SLC26A5: variants seen among roughly 807,000 people sequenced by gnomAD.
The protein encoded by SLC26A5 is solute carrier family 26 member 5, also known as prestin.
Under a neutral mutation model 81.0 loss-of-function variants are expected in SLC26A5, and 51 were observed. The observed-to-expected ratio is 0.63, with a 90% CI of 0.50 to 0.80. The LOEUF (loss-of-function observed/expected upper bound fraction) is 0.80. Ranked by LOEUF, SLC26A5 falls within the 30% of genes least tolerant of loss-of-function variation. SLC26A5 has a pLI of 0.00. For missense variants in SLC26A5, 771 were observed against 905.8 expected (o/e 0.85, Z 1.91); for synonymous variants, 325 against 332.8 (o/e 0.98, Z 0.25).
At chr7:103,371,615 C>T (rs1037197065), downstream of SLC26A5, among the ~76,000 whole-genome samples, 6 of 151,838 alleles carry the variant, frequency 4.0e-5, no homozygotes, top group South Asian at 2.1e-4. Flanking sequence ...TGAGCCACTG[C>T]GCCTGGCCTG....
rs745351399 is a variant in SLC26A5, at chr7:103,362,080, G to C, written c.2042-9154C>G. On this transcript the variant is annotated intron_variant, in intron 19 of 19. Transcript: ENST00000339444. ...CACCTACTGACATTGAAGAAGGGAT[G>C]AGAGTGGGGTAAGATTTCTATTTAC... 6 of 1,612,682 alleles carry C rather than the reference G, an allele frequency of 3.7e-6. No individual in the cohort carries two copies. In the Admixed American group the frequency reaches 8.4e-5, roughly 23 times the overall value.
intron 2 of SLC26A5, among the ~76,000 whole-genome samples, chr7:103,435,423 T>A (rs1448925950): frequency 1.3e-5 from 2 of 152,226 alleles, no homozygotes; most frequent in African/African-American, 4.8e-5. Flanking sequence ...TGCCACTTTC[T>A]TCCACTGTCA....
At chr7:103,400,499 T>C (rs572764914) in intron 8 of SLC26A5, among the ~76,000 whole-genome samples, 5 of 152,350 alleles carry the variant, frequency 3.3e-5, no homozygotes, top group Admixed American at 6.5e-5. Context: ...TGCAAAAATT[T>C]TCTCCCATTC....
chr7:103,417,748 T>C (rs1825035926), intron 4 of SLC26A5, among the ~76,000 whole-genome samples: 1 of 152,172 alleles, frequency 6.6e-6, no homozygotes, highest in African/African-American at 2.4e-5. Context: ...TCCTGTCATC[T>C]TATTATTTTT....
At chr7:103,410,279 C>T in intron 7 of SLC26A5, 106 bp downstream of exon 7, 1 of 998,742 alleles carries the variant, frequency 1.0e-6, no homozygotes, top group East Asian at 2.4e-5. Context: ...ATGGAAATTA[C>T]TGGAGAAAAA....
chr7:103,369,211 T>A (rs1292922429), downstream of SLC26A5: 1 of 152,228 alleles, frequency 6.6e-6, no homozygotes, highest in Non-Finnish European at 1.5e-5. Context: ...CATTCTTGAT[T>A]TTTCATTTTT....
downstream of SLC26A5, among the ~76,000 whole-genome samples, chr7:103,372,879 TA>T (rs5886252): frequency 0.035 from 4,946 of 142,572 alleles, 265 homozygotes; most frequent in African/African-American, 0.12. Context: ...AAGGGAAATC[TA>T]AAAAAAAAAA....
chr7:103,374,667 C>T (rs571928897), intron 19 of SLC26A5, 75 bp from the exon 20 acceptor site: 2 of 1,342,044 alleles, frequency 1.5e-6, no homozygotes, highest in South Asian at 2.6e-5. Flanking sequence ...AGTAACACTT[C>T]CATATAGTGT....
chr7:103,395,908 G>C (rs1310296210), intron 9 of SLC26A5, among the ~76,000 whole-genome samples: 2 of 152,162 alleles, frequency 1.3e-5, no homozygotes, highest in East Asian at 3.8e-4. Context: ...TGAAATAACA[G>C]CCTTAGAACC....
At position 103,411,482 on chromosome 7, in the gene SLC26A5, C is replaced by G. The variant is rs1392273906; in HGVS notation, c.508G>C (p.Ala170Pro). Reference protein sequence around the residue: ...GGVNATNGTEARDALRVKVAM... With the variant: ...GGVNATNGTEPRDALRVKVAM... ...ACTTTCACTCTCAAGGCATCTCTGGCCTCTGTGCCATTGGTTGCATTTACT... is the reference window on the plus strand; with the variant it reads ...ACTTTCACTCTCAAGGCATCTCTGGGCTCTGTGCCATTGGTTGCATTTACT... Residue 170 changes from alanine to proline, a missense_variant, in exon 6 of 20, where the codon GCC (alanine) becomes CCC (proline). Ala to Pro is a conservative substitution (Grantham distance 27). Coordinates refer to ENST00000306312, the MANE Select transcript of SLC26A5 (RefSeq NM_198999.3). 5.6e-6 allele frequency: 9 copies of G among 1,614,066 alleles called. No homozygotes were observed. Among genetic ancestry groups the G allele is most frequent in the African/African-American group, 1.3e-5 (1 of 74,914 alleles).
chr7:103,411,489 G>A lies in SLC26A5; in HGVS notation c.501C>T (p.Gly167=). 1 of 1,614,168 alleles carries A rather than the reference G, an allele frequency of 6.2e-7. No homozygotes were observed. The highest frequency in any genetic ancestry group is 8.5e-7 in the Non-Finnish European group (1 of 1,180,034). Reference sequence around the variant, plus strand: ...CTCTCAAGGCATCTCTGGCCTCTGTGCCATTGGTTGCATTTACTCCTCCTG... The same window carrying A: ...CTCTCAAGGCATCTCTGGCCTCTGTACCATTGGTTGCATTTACTCCTCCTG... ...VIPGGVNATN[G]TEARDALRVK... is the part of the protein sequence containing the mutation. Residue 167 remains glycine, a synonymous_variant, in exon 6 of 20, where the codon GGC becomes GGT. Coordinates refer to ENST00000306312, the MANE Select transcript of SLC26A5 (RefSeq NM_198999.3).
chr7:103,443,375 G>A (rs1827022610), intron 1 of SLC26A5, among the ~76,000 whole-genome samples, 164 bp from the exon 2 acceptor site: 1 of 152,146 alleles, frequency 6.6e-6, no homozygotes, highest in South Asian at 2.1e-4. Context: ...ACATGCGATA[G>A]ACTAATTATA....
intron 14 of SLC26A5, among the ~76,000 whole-genome samples, chr7:103,386,880 C>T (rs899281439): frequency 6.6e-6 from 1 of 151,926 alleles, no homozygotes; most frequent in African/African-American, 2.4e-5. Context: ...TTCTGCCTCA[C>T]CCTCCTGAGT....
chr7:103,394,282 A>T (rs1822910190), intron 9 of SLC26A5, among the ~76,000 whole-genome samples: 1 of 152,198 alleles, frequency 6.6e-6, no homozygotes, highest in Admixed American at 6.5e-5. Context: ...CACTCCCATT[A>T]CATAGGTTCT....
chr7:103,413,650 G>A (rs559681379), intron 4 of SLC26A5, among the ~76,000 whole-genome samples: 7 of 152,066 alleles, frequency 4.6e-5, no homozygotes, highest in Admixed American at 2.0e-4. Flanking sequence ...CTATCAAATG[G>A]GCCAAGTCTC....
At chr7:103,395,307 TCTC>T (rs1822994599) in intron 9 of SLC26A5, among the ~76,000 whole-genome samples, 1 of 150,320 alleles carries the variant, frequency 6.7e-6, no homozygotes. Flanking sequence ...AAAGATAAGG[TCTC>T]CTCTGGATAG....
rs186634215 is a variant in SLC26A5, at chr7:103,401,102, T to G, written c.889-3088A>C. ...GTTTTTTCTAATTCTGTGAAGAAAG[T>G]CAGTGGTAGCTTGATGGGGATAGCA... On this transcript the variant is annotated intron_variant, in intron 8 of 19. Coordinates refer to ENST00000306312, the MANE Select transcript of SLC26A5 (RefSeq NM_198999.3). Among the ~76,000 whole-genome samples, 3 of 152,328 alleles carry G rather than the reference T, an allele frequency of 2.0e-5. No homozygotes were observed. The East Asian group carries it at 5.8e-4, about 29-fold the overall frequency.
chr7:103,363,326 T>G, intron 19 of SLC26A5: 1 of 1,586,070 alleles, frequency 6.3e-7, no homozygotes, highest in Non-Finnish European at 8.7e-7. Context: ...ATGTTGTACA[T>G]TTCTGTCCCT....
At chr7:103,374,676 G>GTT (rs556110302) in intron 19 of SLC26A5, 84 bp from the exon 20 acceptor site, 1,674 of 872,708 alleles carry the variant, frequency 1.9e-3, no homozygotes, top group East Asian at 4.8e-3. Flanking sequence ...TCCATATAGT[G>GTT]TTTTTTTTTT....
Sources: allele counts gnomAD v4.1 joint callset (sites outside exome capture counted in the v4.1 genomes callset), GRCh38; gene constraint gnomAD v4.1.1; transcripts MANE v1.5; gene names NCBI Gene and HGNC (gene_info 2026-07-23, HGNC 2026-07-21).